CLIP1: variants seen among roughly 807,000 people sequenced by gnomAD.
CLIP1 encodes the protein CAP-Gly domain-containing linker protein 1.
Under a neutral mutation model 161.6 loss-of-function variants are expected in CLIP1, and 66 were observed. The observed-to-expected ratio is 0.41, with a 90% CI of 0.33 to 0.50. The LOEUF (loss-of-function observed/expected upper bound fraction) is 0.50, where lower values mean the gene tolerates loss of function less well. Among genes scored for constraint, CLIP1 ranks in the 20% least tolerant of loss-of-function variants. The pLI is 0.27. For missense variants in CLIP1, 1,376 were observed against 1,702.0 expected, an observed-to-expected ratio of 0.81 and a Z score of 3.37; for synonymous variants, 598 against 626.2, an observed-to-expected ratio of 0.96 and a Z score of 0.67.
chr12:122,411,935 T>C lies in CLIP1; in HGVS notation c.-107+10586A>G, dbSNP rs199774112. ...AACTGCGAATATACTAAAAAACCACTGAATTGTATACTTTAAGTTACTAAA... is the reference window on the plus strand; with the variant it reads ...AACTGCGAATATACTAAAAAACCACCGAATTGTATACTTTAAGTTACTAAA... On this transcript the variant is annotated intron_variant, in intron 1 of 25. Transcript: ENST00000620786. Among the ~76,000 whole-genome samples, 3 of 152,222 alleles carry C rather than the reference T, an allele frequency of 2.0e-5. No homozygotes were observed. The East Asian group carries it at 5.8e-4, about 29-fold the overall frequency.
chr12:122,316,874 A>G lies in CLIP1; in HGVS notation c.3367-19T>C. On this transcript the variant is annotated intron_variant, in intron 18 of 25. Transcript: ENST00000620786. ...TGTCCAACTTAAAGACCAAGAGAAA[A>G]AAACTTGATGAAATTATTTCATTTT... 1 of 1,374,760 alleles carries G rather than the reference A, an allele frequency of 7.3e-7. No homozygotes were observed. Among genetic ancestry groups the G allele is most frequent in the Non-Finnish European group, 1.0e-6 (1 of 1,002,782 alleles). 85.2% of individuals were successfully genotyped at this position (1,374,760 alleles called of 1,614,324 possible).
At chr12:122,326,250 G>C (rs1228537150) in intron 17 of CLIP1, among the ~76,000 whole-genome samples, 1 of 152,178 alleles carries the variant, frequency 6.6e-6, no homozygotes, top group Admixed American at 6.5e-5. Context: ...AAATCAGTGA[G>C]ACTGGCCAGG....
In CLIP1 at chr12:122,414,688, T is replaced by A. The variant is rs7974035; in HGVS notation, c.-107+7833A>T. On this transcript the variant is annotated intron_variant, in intron 1 of 25. Coordinates refer to ENST00000620786, the MANE Select transcript of CLIP1 (RefSeq NM_001247997.2). ...ACCATGTTGGCCAGGATGGTCTTGA[T>A]CTCTTGACCTTGTGATGCACCCGCC... Among the ~76,000 whole-genome samples, 553 of 151,968 alleles carry A rather than the reference T, an allele frequency of 3.6e-3. 4 individuals carry two copies. Among genetic ancestry groups the A allele is most frequent in the African/African-American group, 0.012 (513 of 41,486 alleles).
intron 1 of CLIP1, among the ~76,000 whole-genome samples, chr12:122,418,178 AT>A (rs1956819566): frequency 6.6e-6 from 1 of 152,006 alleles, no homozygotes; most frequent in Admixed American, 6.6e-5. Flanking sequence ...TCTGTCTTTT[AT>A]TCACTGTTGT....
Position 122,382,490 on chromosome 12 carries a change from G to A in CLIP1, c.-106-1932C>T, listed in dbSNP as rs531405503. Among the ~76,000 whole-genome samples, 50 of 150,944 alleles carry A rather than the reference G, an allele frequency of 3.3e-4. 1 individual carries two copies. In the South Asian group the frequency reaches 8.6e-3, roughly 26 times the overall value. ...TTGTAGTGAGCCTAGGCAACTGAGCGAGACACCACCTCGAAAAAGAAAAAA... is the reference window on the plus strand; with the variant it reads ...TTGTAGTGAGCCTAGGCAACTGAGCAAGACACCACCTCGAAAAAGAAAAAA... On this transcript the variant is annotated intron_variant, in intron 1 of 25. Coordinates refer to ENST00000620786, the MANE Select transcript of CLIP1 (RefSeq NM_001247997.2).
At position 122,279,142 on chromosome 12, in the gene CLIP1, T is replaced by A. The variant is rs747639103; in HGVS notation, c.3651A>T (p.Glu1217Asp). The change falls in exon 22 of 26, where the codon GAA (glutamate) becomes GAT (aspartate). Residue 1217 changes from glutamate (E) to aspartate (D), a missense_variant. Transcript: ENST00000620786. This position sits in a 1 kb window ranked among gnomAD's most constrained non-coding sequence, Gnocchi z 4.5. ...NNQLLEMKKRESKFIKDADEE... is the reference protein window; with the variant it reads ...NNQLLEMKKRDSKFIKDADEE... ...CATCTGCGTCTTTTATGAACTTGGA[T>A]TCTCTAAAAGACCAAAGAGTTAAAA... 13 of 1,608,414 alleles carry A rather than the reference T, an allele frequency of 8.1e-6. No individual in the cohort carries two copies. In the Admixed American group the frequency reaches 1.5e-4, roughly 19 times the overall value.
At position 122,279,902 on chromosome 12, in the gene CLIP1, A is replaced by ACTTG. The variant is rs921186498; in HGVS notation, c.3648-761_3648-758dup. 6.6e-6 allele frequency: 1 copy of ACTTG among 152,166 alleles called. No individual in the cohort carries two copies. The highest frequency in any genetic ancestry group is 2.4e-5 in the African/African-American group (1 of 41,418). The allele number at this position is 152,166 out of a possible 1,614,324, so 9.4% of individuals were successfully genotyped here. On this transcript the variant is annotated intron_variant, in intron 21 of 25. Transcript: ENST00000620786. The surrounding 1 kb of genome is among the most constrained non-coding windows in gnomAD (Gnocchi z 4.5). ...GTTTATGTTCTCGGCCTGACTCAGCACTTGGTTATCAGCAGAGGGCGGGGA... is the reference window on the plus strand; with the variant it reads ...GTTTATGTTCTCGGCCTGACTCAGCACTTGCTTGGTTATCAGCAGAGGGCGGGGA...
At chr12:122,407,160 A>C (rs987643021) in intron 1 of CLIP1, among the ~76,000 whole-genome samples, 1 of 152,156 alleles carries the variant, frequency 6.6e-6, no homozygotes, top group Non-Finnish European at 1.5e-5. Context: ...GTGTAAAAAG[A>C]AGCAATGTGC....
At chr12:122,350,945 A>G (rs980938056) in intron 9 of CLIP1, 166 bp downstream of exon 9, 8 of 462,962 alleles carry the variant, frequency 1.7e-5, no homozygotes, top group Middle Eastern at 3.6e-4. Flanking sequence ...CAATTTCTTC[A>G]GGATATAAAT....
chr12:122,346,467 A>G (rs907726055), intron 10 of CLIP1, among the ~76,000 whole-genome samples: 1 of 152,138 alleles, frequency 6.6e-6, no homozygotes, highest in Admixed American at 6.5e-5. Context: ...TCTGTTCCCA[A>G]CATGCATTTC....
At chr12:122,365,389 C>A (rs1954091426) in intron 3 of CLIP1, 1 of 844,250 alleles carries the variant, frequency 1.2e-6, no homozygotes, top group Non-Finnish European at 2.0e-6. Flanking sequence ...TGTAAACAAA[C>A]AAGGGCAAGA....
At position 122,364,114 on chromosome 12, in the gene CLIP1, GA is replaced by G. The variant is rs1954010738; in HGVS notation, c.658-8del. On this transcript the variant is annotated splice_polypyrimidine_tract_variant and splice_region_variant and intron_variant, in intron 3 of 25. Transcript: ENST00000620786. ...CAGCCTTAGTGCCACCAACCTGGAA[GA>G]AGAGAAGGTTAAAATAAAGAGATGA... 1 of 1,613,682 alleles carries G rather than the reference GA, an allele frequency of 6.2e-7. No homozygotes were observed. The highest frequency in any genetic ancestry group is 8.5e-7 in the Non-Finnish European group (1 of 1,179,914).
intron 20 of CLIP1, among the ~76,000 whole-genome samples, chr12:122,297,606 C>T (rs1950521720): frequency 6.6e-6 from 1 of 152,124 alleles, no homozygotes; most frequent in African/African-American, 2.4e-5. Flanking sequence ...TTCTGAGGTC[C>T]AAAATAGCAG....
At chr12:122,422,144 T>C (rs1014771919) in intron 1 of CLIP1, among the ~76,000 whole-genome samples, 1 of 151,906 alleles carries the variant, frequency 6.6e-6, no homozygotes, top group African/African-American at 2.4e-5. Context: ...GTCCGGCCGA[T>C]CCCACATCCG....
chr12:122,377,207 A>G (rs1954781202), intron 3 of CLIP1, among the ~76,000 whole-genome samples, 182 bp downstream of exon 3: 1 of 151,706 alleles, frequency 6.6e-6, no homozygotes, highest in Non-Finnish European at 1.5e-5. Context: ...ACAGGGTTTC[A>G]CCATCTTGGC....
At chr12:122,299,355 T>C (rs1950589740) in intron 20 of CLIP1, among the ~76,000 whole-genome samples, 1 of 151,720 alleles carries the variant, frequency 6.6e-6, no homozygotes, top group Non-Finnish European at 1.5e-5. Context: ...AACAAGAAAC[T>C]TAAAAGATAC....
At chr12:122,394,120 C>T (rs976410815) in intron 1 of CLIP1, among the ~76,000 whole-genome samples, 2 of 151,920 alleles carry the variant, frequency 1.3e-5, no homozygotes, top group Non-Finnish European at 2.9e-5. Flanking sequence ...GGAGGTGGTG[C>T]ATCATCTCTC....
intron 15 of CLIP1, among the ~76,000 whole-genome samples, chr12:122,329,474 C>CA: frequency 6.6e-6 from 1 of 151,332 alleles, no homozygotes; most frequent in African/African-American, 2.4e-5. Context: ...AATAAAAATA[C>CA]AAAAAATTAG....
chr12:122,285,531 C>T (rs537266530), intron 21 of CLIP1, among the ~76,000 whole-genome samples: 14 of 152,224 alleles, frequency 9.2e-5, no homozygotes, highest in African/African-American at 3.4e-4. Context: ...GGTGCCCGGC[C>T]TAATTTTTGT....
Sources: gnomAD v4.1 joint callset for allele counts (sites outside exome capture counted in the v4.1 genomes callset) on GRCh38, gnomAD v4.1.1 for gene constraint, Gnocchi (gnomAD v3.1) non-coding constraint, MANE v1.5 for transcripts, NCBI Gene and HGNC (gene_info 2026-07-23, HGNC 2026-07-21) for gene names.